Variants in PDZRN4 observed in about 807,000 individuals in gnomAD.
PDZRN4 encodes the protein PDZ domain-containing RING finger protein 4.
PDZRN4 carries 70 observed loss-of-function variants against 99.0 expected under a neutral mutation model. That is an observed-to-expected ratio of 0.71 (90% CI 0.58 to 0.86). The LOEUF is 0.86. PDZRN4 is among the 40% of genes least tolerant of loss of function. PDZRN4 has a pLI of 0.00. For synonymous variants in PDZRN4, 551 were observed against 501.6 expected (o/e 1.10, Z -1.32); for missense variants, 1,474 against 1,331.2 (o/e 1.11, Z -1.67).
intron 3 of PDZRN4, among the ~76,000 whole-genome samples, chr12:41,305,801 AT>A (rs1951565961): frequency 6.6e-6 from 1 of 152,140 alleles, no homozygotes; most frequent in African/African-American, 2.4e-5. Context: ...TGTAAAATAC[AT>A]TTGTTCCATC....
chr12:41,212,102 C>T (rs1950892145), intron 3 of PDZRN4, among the ~76,000 whole-genome samples: 1 of 151,942 alleles, frequency 6.6e-6, no homozygotes. Context: ...CTCATGTTAA[C>T]TCAATCTTGC....
At chr12:41,457,311 T>G (rs2120521776) in intron 3 of PDZRN4, among the ~76,000 whole-genome samples, 1 of 152,334 alleles carries the variant, frequency 6.6e-6, no homozygotes, top group Non-Finnish European at 1.5e-5. Flanking sequence ...ACGGCTGTTC[T>G]CAAAAGTATT....
At chr12:41,335,319 G>A (rs1346830087) in intron 3 of PDZRN4, among the ~76,000 whole-genome samples, 1 of 151,486 alleles carries the variant, frequency 6.6e-6, no homozygotes, top group Admixed American at 6.6e-5. Flanking sequence ...CAATGTTCAA[G>A]TTTGTTACAT....
intron 3 of PDZRN4, among the ~76,000 whole-genome samples, chr12:41,353,685 T>C (rs1951907362): frequency 6.6e-6 from 1 of 152,084 alleles, no homozygotes; most frequent in African/African-American, 2.4e-5. Flanking sequence ...CTCTCTAGAA[T>C]GGCTCAGGGG....
intron 3 of PDZRN4, among the ~76,000 whole-genome samples, chr12:41,327,784 C>G (rs1951719362): frequency 6.6e-6 from 1 of 151,956 alleles, no homozygotes; most frequent in Non-Finnish European, 1.5e-5. Context: ...AAACTGCTCT[C>G]TGTATGTTGG....
At chr12:41,264,236 C>T (rs977591757) in intron 3 of PDZRN4, among the ~76,000 whole-genome samples, 4 of 152,070 alleles carry the variant, frequency 2.6e-5, no homozygotes, top group Non-Finnish European at 5.9e-5. Context: ...ATTGCAAAGA[C>T]TATCAAGTGA....
chr12:41,348,132 A>G (rs892160445), intron 3 of PDZRN4, among the ~76,000 whole-genome samples: 3 of 152,162 alleles, frequency 2.0e-5, no homozygotes, highest in African/African-American at 7.2e-5. Context: ...TTAAAAATAA[A>G]GGTAAAGTTT....
At chr12:41,418,657 T>C (rs1194553949) in intron 3 of PDZRN4, among the ~76,000 whole-genome samples, 4 of 152,202 alleles carry the variant, frequency 2.6e-5, no homozygotes, top group Non-Finnish European at 5.9e-5. Flanking sequence ...TTTTCTACCC[T>C]GAAATTTCAG....
intron 3 of PDZRN4, among the ~76,000 whole-genome samples, chr12:41,233,362 T>C (rs1419604283): frequency 6.6e-6 from 1 of 152,126 alleles, no homozygotes; most frequent in African/African-American, 2.4e-5. Flanking sequence ...AGTTCAACCA[T>C]TGTTGGAGTC....
chr12:41,510,747 T>C (rs915766032), intron 5 of PDZRN4, among the ~76,000 whole-genome samples: 4 of 152,108 alleles, frequency 2.6e-5, no homozygotes, highest in Non-Finnish European at 5.9e-5. Flanking sequence ...TCCTGAAATC[T>C]CTTCCCTTAG....
chr12:41,211,789 G>A (rs1207646590), intron 3 of PDZRN4, among the ~76,000 whole-genome samples: 1 of 151,926 alleles, frequency 6.6e-6, no homozygotes, highest in South Asian at 2.1e-4. Flanking sequence ...AGCTAAAATA[G>A]AAATGAAAAC....
At chr12:41,236,954 T>G (rs12833000) in intron 3 of PDZRN4, among the ~76,000 whole-genome samples, 20,950 of 152,144 alleles carry the variant, frequency 0.14, 1,922 homozygotes, top group Middle Eastern at 0.3. Flanking sequence ...AAAATGTCTT[T>G]TTCATAATAT....
At chr12:41,217,436 C>T (rs966486895) in intron 3 of PDZRN4, among the ~76,000 whole-genome samples, 1 of 151,964 alleles carries the variant, frequency 6.6e-6, no homozygotes, top group African/African-American at 2.4e-5. Flanking sequence ...GGCTTTCATC[C>T]ATTACTGCAG....
At chr12:41,312,850 T>G (rs1455365595) in intron 3 of PDZRN4, among the ~76,000 whole-genome samples, 3 of 152,104 alleles carry the variant, frequency 2.0e-5, no homozygotes, top group African/African-American at 7.2e-5. Flanking sequence ...TTTCTCTATA[T>G]TCTGTTCCCA....
chr12:41,472,071 G>C (rs1002926999), intron 3 of PDZRN4, among the ~76,000 whole-genome samples: 2 of 149,776 alleles, frequency 1.3e-5, no homozygotes, highest in African/African-American at 4.9e-5. Flanking sequence ...GGCACGTCTC[G>C]GCTCACTGCA....
intron 5 of PDZRN4, among the ~76,000 whole-genome samples, chr12:41,523,306 T>C (rs941934529): frequency 2.0e-5 from 3 of 152,092 alleles, no homozygotes; most frequent in Non-Finnish European, 4.4e-5. Context: ...CCCTCTCATG[T>C]AGATGCTGTT....
chr12:41,326,138 C>A (rs550795891), intron 3 of PDZRN4, among the ~76,000 whole-genome samples: 7 of 115,338 alleles, frequency 6.1e-5, no homozygotes, highest in African/African-American at 1.8e-4. Context: ...CATGTGCCAC[C>A]ACACTCGGCT....
intron 3 of PDZRN4, among the ~76,000 whole-genome samples, chr12:41,224,232 T>G (rs1950977849): frequency 6.6e-6 from 1 of 151,828 alleles, no homozygotes; most frequent in African/African-American, 2.4e-5. Flanking sequence ...AGCACTTGAG[T>G]TGGGCTTTTA....
chr12:41,509,848 GA>G lies in PDZRN4; in HGVS notation c.1139del (p.Glu380GlyfsTer37). The G allele has an allele frequency of 6.2e-7, 1 of 1,601,272 alleles. No individual in the cohort carries two copies. Among genetic ancestry groups the G allele is most frequent in the Non-Finnish European group, 8.5e-7 (1 of 1,171,182 alleles). ...ACATCCAATGGAGCATGAATTTTAT[GA>G]GGACAATGAGTATATTTCCAGCTTG... ...SLHPMEHEFYEDNEYISSLPA... is the reference protein window; with the variant it reads ...SLHPMEHEFYXDNEYISSLPA... On this transcript the variant is annotated frameshift_variant, in exon 5 of 10. Coordinates refer to ENST00000402685, the MANE Select transcript of PDZRN4 (RefSeq NM_001164595.2). LOFTEE classifies it high-confidence loss of function.
Sources: gnomAD v4.1 joint callset for allele counts (sites outside exome capture counted in the v4.1 genomes callset) on GRCh38, gnomAD v4.1.1 for gene constraint, MANE v1.5 for transcripts, NCBI Gene and HGNC (gene_info 2026-07-23, HGNC 2026-07-21) for gene names.